Variants in GNPTAB observed in about 807,000 individuals in gnomAD.
GNPTAB encodes the protein N-acetylglucosamine-1-phosphotransferase subunits alpha/beta.
In GNPTAB, 92 loss-of-function variants were observed where a neutral mutation model predicts 136.6. The observed-to-expected ratio is 0.67, with a 90% CI of 0.57 to 0.80. The LOEUF (loss-of-function observed/expected upper bound fraction) is 0.80. Ranked by LOEUF, GNPTAB falls within the 30% of genes least tolerant of loss-of-function variation. GNPTAB has a pLI of 0.00. For missense variants in GNPTAB, 1,343 were observed against 1,501.8 expected (o/e 0.89, Z 1.75); for synonymous variants, 512 against 535.1 (o/e 0.96, Z 0.60).
chr12:101,786,533 C>T (rs1868660172), intron 4 of GNPTAB, among the ~76,000 whole-genome samples: 1 of 151,956 alleles, frequency 6.6e-6, no homozygotes, highest in Admixed American at 6.6e-5. Flanking sequence ...TTCATAATTC[C>T]AATAAAGCCC....
intron 4 of GNPTAB, 139 bp downstream of exon 4, chr12:101,788,409 T>C (rs748012629): frequency 7.2e-6 from 5 of 692,774 alleles, no homozygotes; most frequent in Non-Finnish European, 7.9e-6. Context: ...TCCTGTCTAA[T>C]AGATGTACCT....
intron 11 of GNPTAB, among the ~76,000 whole-genome samples, chr12:101,766,729 A>G (rs1566075633): frequency 6.6e-6 from 1 of 152,250 alleles, no homozygotes; most frequent in Non-Finnish European, 1.5e-5. Context: ...GGTTCACCTC[A>G]TTCTTTAGTA....
At chr12:101,776,907 G>C (rs781006251) in intron 7 of GNPTAB, among the ~76,000 whole-genome samples, 14 of 152,226 alleles carry the variant, frequency 9.2e-5, no homozygotes, top group Non-Finnish European at 1.8e-4. Context: ...GAACCTGCGA[G>C]GGCAAAGTGG....
chr12:101,762,256 A>C lies in GNPTAB; in HGVS notation c.2716-493T>G, dbSNP rs539751337. ...AAAATCAAAACCAGTCAGTGGCAGA[A>C]CTAAATAGGCAAAGAAAATTGGCAA... On this transcript the variant is annotated intron_variant, in intron 13 of 20. Coordinates refer to ENST00000299314, the MANE Select transcript of GNPTAB (RefSeq NM_024312.5). Among the ~76,000 whole-genome samples the C allele has an allele frequency of 2.0e-5, 3 of 152,364 alleles. No individual in the cohort carries two copies. The South Asian group carries it at 6.2e-4, about 32-fold the overall frequency.
chr12:101,791,746 C>T (rs1393905325), intron 2 of GNPTAB, among the ~76,000 whole-genome samples: 1 of 151,998 alleles, frequency 6.6e-6, no homozygotes, highest in Non-Finnish European at 1.5e-5. Flanking sequence ...CATATTATCT[C>T]GTGGGAAAAT....
chr12:101,826,950 G>GTTTTTTT (rs902178707), intron 1 of GNPTAB, among the ~76,000 whole-genome samples: 3 of 62,356 alleles, frequency 4.8e-5, no homozygotes, highest in Non-Finnish European at 6.0e-5. Context: ...TGTGGGAGTT[G>GTTTTTTT]TTTTTTTTTT....
chr12:101,829,696 C>T (rs1871268792), intron 1 of GNPTAB, among the ~76,000 whole-genome samples: 1 of 152,168 alleles, frequency 6.6e-6, no homozygotes, highest in African/African-American at 2.4e-5. Flanking sequence ...ACATATTTCA[C>T]ACTTACAAAT....
intron 2 of GNPTAB, among the ~76,000 whole-genome samples, chr12:101,792,247 AG>A (rs1405556812): frequency 6.6e-6 from 1 of 152,228 alleles, no homozygotes; most frequent in Non-Finnish European, 1.5e-5. Flanking sequence ...AAATGCCCTG[AG>A]GCAGGCGCCT....
intron 1 of GNPTAB, chr12:101,810,573 T>A (rs1411480003): frequency 1.3e-5 from 2 of 151,876 alleles, no homozygotes; most frequent in Non-Finnish European, 2.9e-5. Flanking sequence ...AATATTTCTG[T>A]GCTCAGCTTA....
chr12:101,796,491 G>T, intron 2 of GNPTAB, 186 bp downstream of exon 2: 1 of 604,122 alleles, frequency 1.7e-6, no homozygotes, highest in Non-Finnish European at 2.9e-6. Context: ...TATCGTTCCA[G>T]TTTTTTTTTC....
intron 1 of GNPTAB, among the ~76,000 whole-genome samples, chr12:101,818,208 A>T (rs928657927): frequency 2.0e-5 from 3 of 151,916 alleles, no homozygotes; most frequent in African/African-American, 7.3e-5. Flanking sequence ...CCCTTCCTTT[A>T]CTCAGCCATC....
intron 2 of GNPTAB, chr12:101,796,065 G>A: frequency 3.4e-6 from 2 of 584,834 alleles, no homozygotes; most frequent in Admixed American, 3.1e-5. Context: ...GAGGTATGAG[G>A]CTATTTGCTC....
chr12:101,755,063 CATT>C (rs1471573766), intron 18 of GNPTAB, among the ~76,000 whole-genome samples: 1 of 152,010 alleles, frequency 6.6e-6, no homozygotes, highest in Non-Finnish European at 1.5e-5. Context: ...ATTAAGGAAT[CATT>C]ATTGATTTTT....
chr12:101,802,886 A>G (rs1869725771), intron 1 of GNPTAB, among the ~76,000 whole-genome samples: 1 of 152,176 alleles, frequency 6.6e-6, no homozygotes, highest in African/African-American at 2.4e-5. Context: ...GAAAACCACT[A>G]AAATCCTTAA....
chr12:101,789,863 G>A (rs1868877406), intron 3 of GNPTAB, 75 bp downstream of exon 3: 2 of 1,341,246 alleles, frequency 1.5e-6, no homozygotes, highest in Non-Finnish European at 2.1e-6. Context: ...ATGCTCATAT[G>A]TGAGATGTGC....
chr12:101,760,341 A>C (rs1255560952), intron 15 of GNPTAB, among the ~76,000 whole-genome samples, 198 bp from the exon 16 acceptor site: 1 of 152,232 alleles, frequency 6.6e-6, no homozygotes, highest in African/African-American at 2.4e-5. Context: ...TTTCATCTTC[A>C]TCTCAAAGAA....
intron 1 of GNPTAB, among the ~76,000 whole-genome samples, chr12:101,826,477 T>C (rs2137192708): frequency 6.7e-6 from 1 of 149,184 alleles, no homozygotes; most frequent in Non-Finnish European, 1.5e-5. Flanking sequence ...TAATTTTTAA[T>C]TTTTTTAATT....
chr12:101,761,628 G>A lies in GNPTAB; in HGVS notation c.2851C>T (p.Arg951Trp). Residue 951 changes from arginine to tryptophan, a missense_variant, in exon 14 of 21, where the codon CGG becomes TGG. By Grantham distance (101) the Arg-to-Trp change is moderately radical. Transcript: ENST00000299314. The part of the protein sequence containing the change: ...ILNSKFGFTS[R>W]KVPAHMPHMI... ...TGAGGCATGTGAGCAGGGACTTTCCGCGATGTGAATCCAAACTTGCTATTT... is the reference window on the plus strand; with the variant it reads ...TGAGGCATGTGAGCAGGGACTTTCCACGATGTGAATCCAAACTTGCTATTT... 4 of 1,614,096 alleles carry A rather than the reference G, an allele frequency of 2.5e-6. No homozygotes were observed. Among genetic ancestry groups the A allele is most frequent in the East Asian group, 2.2e-5 (1 of 44,878 alleles).
At chr12:101,798,801 G>A (rs924713334) in intron 1 of GNPTAB, among the ~76,000 whole-genome samples, 9 of 152,156 alleles carry the variant, frequency 5.9e-5, no homozygotes, top group Non-Finnish European at 8.8e-5. Context: ...TGCATGTTGC[G>A]GTAAAAAGTG....
Sources: allele counts gnomAD v4.1 joint callset (sites outside exome capture counted in the v4.1 genomes callset), GRCh38; gene constraint gnomAD v4.1.1; transcripts MANE v1.5; gene names NCBI Gene and HGNC (gene_info 2026-07-23, HGNC 2026-07-21).